CNTRL: variants seen among roughly 807,000 people sequenced by gnomAD.
CNTRL encodes 110 kDa centrosomal protein.
In CNTRL, 233 loss-of-function variants were observed where a neutral mutation model predicts 303.7. The ratio of observed to expected loss-of-function variants is 0.77; its 90% CI spans 0.69 to 0.86. CNTRL has a LOEUF of 0.86. CNTRL is among the 40% of genes least tolerant of loss of function. CNTRL has a pLI of 0.00. For synonymous variants in CNTRL, 900 were observed against 922.2 expected, an observed-to-expected ratio of 0.98 and a Z score of 0.44; for missense variants, 2,524 against 2,650.6, an observed-to-expected ratio of 0.95 and a Z score of 1.05.
intron 14 of CNTRL, among the ~76,000 whole-genome samples, chr9:121,133,787 G>A (rs779281581): frequency 2.0e-5 from 3 of 152,048 alleles, no homozygotes; most frequent in East Asian, 1.9e-4. Flanking sequence ...ATCTCGGAAC[G>A]GGATTCAATT....
At chr9:121,177,001 A>T (rs1564314131) in intron 43 of CNTRL, among the ~76,000 whole-genome samples, 162 bp from the exon 44 acceptor site, 1 of 151,860 alleles carries the variant, frequency 6.6e-6, no homozygotes, top group African/African-American at 2.4e-5. Flanking sequence ...TAACCGTTTA[A>T]TTTTTTCTCT....
intron 14 of CNTRL, among the ~76,000 whole-genome samples, chr9:121,131,544 C>G (rs1293027621): frequency 3.3e-5 from 5 of 152,142 alleles, no homozygotes; most frequent in Admixed American, 1.3e-4. Flanking sequence ...TGAGATGGGT[C>G]TCCTGAATAT....
Position 121,171,411 on chromosome 9 carries a change from C to G in CNTRL, c.6280C>G (p.Gln2094Glu), listed in dbSNP as rs1460936450. Residue 2094 changes from glutamine to glutamate, a missense_variant, in exon 40 of 44, where the codon CAA becomes GAA. Coordinates refer to ENST00000373855, the MANE Select transcript of CNTRL (RefSeq NM_007018.6). ...RSQLEKNLLEQKQENSCIQKE... is the reference protein window; with the variant it reads ...RSQLEKNLLEEKQENSCIQKE... ...TATTTTCTTCCTCCTGTGCTAGGAG[C>G]AAAAACAGGAGAACAGCTGCATACA... 3 of 1,613,490 alleles carry G rather than the reference C, an allele frequency of 1.9e-6. No individual in the cohort carries two copies. In the African/African-American group the frequency reaches 4.0e-5, roughly 22 times the overall value.
chr9:121,151,660 G>T (rs1159570087), intron 25 of CNTRL, among the ~76,000 whole-genome samples: 2 of 151,978 alleles, frequency 1.3e-5, no homozygotes, highest in African/African-American at 4.8e-5. Context: ...CAAAGTGCTG[G>T]GATTACAGGC....
intron 1 of CNTRL, among the ~76,000 whole-genome samples, chr9:121,079,323 TA>T (rs1403750292): frequency 6.6e-6 from 1 of 152,092 alleles, no homozygotes; most frequent in Non-Finnish European, 1.5e-5. Context: ...TATAGTTTAA[TA>T]TGAGAAAATG....
chr9:121,135,217 A>G (rs12552499), intron 14 of CNTRL, among the ~76,000 whole-genome samples: 10,737 of 152,336 alleles, frequency 0.07, 563 homozygotes, highest in Middle Eastern at 0.14. Context: ...ATCATCCTTA[A>G]TATTAGAGAG....
chr9:121,137,966 CCA>C (rs927861223), intron 15 of CNTRL, among the ~76,000 whole-genome samples: 33 of 152,156 alleles, frequency 2.2e-4, no homozygotes, highest in Non-Finnish European at 1.0e-4. Context: ...GGTCTTCAAA[CCA>C]CACATTGAGA....
intron 27 of CNTRL, 71 bp downstream of exon 27, chr9:121,154,984 A>G (rs776920748): frequency 2.3e-6 from 3 of 1,327,392 alleles, no homozygotes; most frequent in Non-Finnish European, 3.3e-6. Context: ...CTGAAGGATT[A>G]GAAAGAGAAT....
At chr9:121,089,679 C>CAGT (rs1465430316) in intron 3 of CNTRL, among the ~76,000 whole-genome samples, 2 of 152,098 alleles carry the variant, frequency 1.3e-5, no homozygotes, top group Non-Finnish European at 2.9e-5. Context: ...AAAAAACAAA[C>CAGT]AACTAAGTAT....
At chr9:121,161,399 T>C (rs2052849526) in intron 32 of CNTRL, 1 of 382,048 alleles carries the variant, frequency 2.6e-6, no homozygotes, top group Admixed American at 4.6e-5. Context: ...CAAAGTATTT[T>C]TAATTTATTT....
At chr9:121,164,742 TAGTG>T (rs1286525550) in intron 34 of CNTRL, among the ~76,000 whole-genome samples, 197 bp from the exon 35 acceptor site, 1 of 152,228 alleles carries the variant, frequency 6.6e-6, no homozygotes, top group African/African-American at 2.4e-5. Context: ...AACTTCAATT[TAGTG>T]AGTCAGTTTT....
In CNTRL at chr9:121,138,583, A is replaced by G; in HGVS notation, c.2241A>G (p.Glu747=). Residue 747 remains glutamate, a synonymous_variant, in exon 16 of 44, where the codon GAA becomes GAG. Coordinates refer to ENST00000373855, the MANE Select transcript of CNTRL (RefSeq NM_007018.6). The part of the protein sequence containing the change: ...QSALQAELEK[E]RQALKNALGK... The stretch of plus-strand genomic sequence containing the variant: ...CCCTTCAAGCAGAACTTGAGAAGGA[A>G]AGGCAAGCCCTCAAGAATGCCCTTG... 2 of 1,614,028 alleles carry G rather than the reference A, an allele frequency of 1.2e-6. No homozygotes were observed. The highest frequency in any genetic ancestry group is 1.7e-6 in the Non-Finnish European group (2 of 1,179,884).
At chr9:121,152,455 G>A in intron 25 of CNTRL, 30 bp from the exon 26 acceptor site, 3 of 1,554,026 alleles carry the variant, frequency 1.9e-6, no homozygotes, top group Non-Finnish European at 2.7e-6. Context: ...TGATGTTTCA[G>A]CACTGCATTT....
At position 121,161,932 on chromosome 9, in the gene CNTRL, G is replaced by A. The variant is rs553431814; in HGVS notation, c.5166G>A (p.Arg1722=). 3.7e-6 allele frequency: 6 copies of A among 1,614,108 alleles called. No individual in the cohort carries two copies. The highest frequency in any genetic ancestry group is 2.7e-5 in the African/African-American group (2 of 75,016). Residue 1722 remains arginine (R), a synonymous_variant, in exon 33 of 44, where the codon AGG becomes AGA. Coordinates refer to ENST00000373855, the MANE Select transcript of CNTRL (RefSeq NM_007018.6). The part of the protein sequence containing the change: ...LQGLKLQHDQ[R]VSELEKTQVA... ...GTTTGAAGCTACAACATGACCAAAG[G>A]GTATCTGAATTAGAGAAGACTCAGG... is the stretch of plus-strand genomic sequence containing the variant.
chr9:121,140,739 T>G lies in CNTRL; in HGVS notation c.2436T>G (p.Arg812=), dbSNP rs1447613892. The change falls in exon 17 of 44, where the codon CGT becomes CGG. Residue 812 remains arginine (R), a synonymous_variant. Coordinates refer to ENST00000373855, the MANE Select transcript of CNTRL (RefSeq NM_007018.6). Reference sequence around the variant, plus strand: ...TTCGTCCAGAAGAAGTGGCAGCTCGTGTGGATGAGCTAAGAAGAAAACTGA... The same window carrying G: ...TTCGTCCAGAAGAAGTGGCAGCTCGGGTGGATGAGCTAAGAAGAAAACTGA... ...GLVRPEEVAA[R]VDELRRKLKL... is the part of the protein sequence containing the mutation. The G allele has an allele frequency of 6.2e-7, 1 of 1,613,502 alleles. No homozygotes were observed.
intron 43 of CNTRL, among the ~76,000 whole-genome samples, chr9:121,176,383 G>A (rs1314760825): frequency 1.3e-5 from 2 of 152,092 alleles, no homozygotes; most frequent in African/African-American, 4.8e-5. Context: ...CTAATTAGCA[G>A]CAGGGCCATT....
intron 7 of CNTRL, among the ~76,000 whole-genome samples, chr9:121,104,820 GC>G (rs769746528): frequency 2.0e-5 from 3 of 150,142 alleles, no homozygotes; most frequent in Non-Finnish European, 4.4e-5. Flanking sequence ...TCCTGTCTCA[GC>G]CTTCCAAGTA....
intron 2 of CNTRL, among the ~76,000 whole-genome samples, chr9:121,081,425 A>T (rs2048137141): frequency 6.6e-6 from 1 of 152,142 alleles, no homozygotes. Flanking sequence ...CTGCCTGAAG[A>T]TAGCATCAGA....
At chr9:121,172,810 G>A (rs895251812) in intron 40 of CNTRL, among the ~76,000 whole-genome samples, 36 of 152,138 alleles carry the variant, frequency 2.4e-4, no homozygotes, top group African/African-American at 8.7e-4. Context: ...GTGCCACTGA[G>A]GTGCTTCATG....
Sources: allele counts gnomAD v4.1 joint callset (sites outside exome capture counted in the v4.1 genomes callset), GRCh38; gene constraint gnomAD v4.1.1; transcripts MANE v1.5; gene names NCBI Gene and HGNC (gene_info 2026-07-23, HGNC 2026-07-21).